GLIS3: variants seen among roughly 807,000 people sequenced by gnomAD.
GLIS3 encodes the protein zinc finger protein GLIS3.
In GLIS3, 53 loss-of-function variants were observed where a neutral mutation model predicts 78.6. The observed-to-expected ratio is 0.67, with a 90% confidence interval of 0.54 to 0.85. The LOEUF (loss-of-function observed/expected upper bound fraction) is 0.85. GLIS3 is among the 40% of genes least tolerant of loss of function. The pLI is 0.00. For missense variants in GLIS3, 1,703 were observed against 1,231.1 expected, an observed-to-expected ratio of 1.38 and a Z score of -5.74; for synonymous variants, 684 against 509.9, an observed-to-expected ratio of 1.34 and a Z score of -4.60.
intron 4 of GLIS3, among the ~76,000 whole-genome samples, chr9:3,986,146 A>T (rs554526550): frequency 6.6e-6 from 1 of 152,346 alleles, no homozygotes; most frequent in East Asian, 1.9e-4. Flanking sequence ...GGGTTTGGTG[A>T]ACAGTGGTGT....
chr9:4,156,421 C>T (rs1481654540), intron 2 of GLIS3, among the ~76,000 whole-genome samples: 2 of 152,184 alleles, frequency 1.3e-5, no homozygotes, highest in African/African-American at 4.8e-5. Flanking sequence ...TCCTCCTTAT[C>T]CACCCAATAC....
intron 2 of GLIS3, among the ~76,000 whole-genome samples, chr9:4,321,474 A>G (rs1185466375): frequency 2.1e-5 from 3 of 141,122 alleles, no homozygotes; most frequent in Admixed American, 7.5e-5. Flanking sequence ...TCAGGTGCCT[A>G]GAACTGGATT....
At chr9:4,277,164 C>G (rs1035969504) in intron 2 of GLIS3, among the ~76,000 whole-genome samples, 8 of 152,350 alleles carry the variant, frequency 5.3e-5, no homozygotes, top group African/African-American at 1.9e-4. Context: ...GGTACACACA[C>G]TGGTGTTAGC....
At chr9:4,370,657 A>G in the GLIS3 span, among the ~76,000 whole-genome samples, 1 of 151,750 alleles carries the variant, frequency 6.6e-6, no homozygotes, top group Non-Finnish European at 1.5e-5. Context: ...TATATTTAAT[A>G]TGTATTTAAT....
At chr9:4,030,994 T>C (rs1224139231) in intron 4 of GLIS3, among the ~76,000 whole-genome samples, 2 of 151,882 alleles carry the variant, frequency 1.3e-5, no homozygotes, top group African/African-American at 4.8e-5. Context: ...AAATGGAAAA[T>C]AACAAGTGTT....
chr9:3,871,982 C>T (rs1333623936), intron 8 of GLIS3, among the ~76,000 whole-genome samples: 1 of 152,236 alleles, frequency 6.6e-6, no homozygotes, highest in African/African-American at 2.4e-5. Flanking sequence ...GCACCCAAGT[C>T]ACTTCCTGAA....
At chr9:3,912,716 G>C (rs1300842787) in intron 6 of GLIS3, among the ~76,000 whole-genome samples, 1 of 152,152 alleles carries the variant, frequency 6.6e-6, no homozygotes, top group Non-Finnish European at 1.5e-5. Context: ...GTGAATTCAA[G>C]CTTCATTCAG....
the GLIS3 span, among the ~76,000 whole-genome samples, chr9:4,475,331 C>G: frequency 6.6e-6 from 1 of 152,156 alleles, no homozygotes. Context: ...TATCCAAATG[C>G]CCATTAAATA....
the GLIS3 span, among the ~76,000 whole-genome samples, chr9:4,484,721 C>G: frequency 6.6e-6 from 1 of 151,832 alleles, no homozygotes; most frequent in Admixed American, 6.6e-5. Context: ...CCAGTGTAGG[C>G]CAAACTAACT....
At chr9:4,270,871 T>C (rs1417585760) in intron 2 of GLIS3, among the ~76,000 whole-genome samples, 4 of 150,990 alleles carry the variant, frequency 2.6e-5, no homozygotes, top group African/African-American at 9.7e-5. Context: ...TAAATCAATC[T>C]CTCTCTCAAT....
chr9:4,038,248 C>T (rs1824499019), intron 4 of GLIS3, among the ~76,000 whole-genome samples: 2 of 151,848 alleles, frequency 1.3e-5, no homozygotes, highest in Non-Finnish European at 2.9e-5. Context: ...AAAATATTAT[C>T]CCATGATTAA....
intron 2 of GLIS3, among the ~76,000 whole-genome samples, chr9:4,331,192 T>C (rs1246110826): frequency 2.0e-5 from 3 of 152,170 alleles, no homozygotes; most frequent in Admixed American, 6.5e-5. Flanking sequence ...GATGAATCCT[T>C]TGTTCTTCCA....
intron 4 of GLIS3, among the ~76,000 whole-genome samples, chr9:4,061,909 T>C (rs994927342): frequency 6.6e-6 from 1 of 152,204 alleles, no homozygotes; most frequent in Admixed American, 6.5e-5. Flanking sequence ...CTGAGACAGC[T>C]TCCTCTGCCT....
chr9:4,368,646 C>T, the GLIS3 span, among the ~76,000 whole-genome samples: 6 of 152,204 alleles, frequency 3.9e-5, no homozygotes, highest in East Asian at 5.8e-4. Flanking sequence ...CCACTGCGCC[C>T]GGCCTGCACA....
chr9:4,394,757 A>C, the GLIS3 span, among the ~76,000 whole-genome samples: 3 of 152,232 alleles, frequency 2.0e-5, no homozygotes, highest in East Asian at 5.8e-4. Context: ...TTATGCAAGC[A>C]CATTTTCCAT....
At chr9:4,043,277 C>G (rs1051946061) in intron 4 of GLIS3, among the ~76,000 whole-genome samples, 1 of 151,362 alleles carries the variant, frequency 6.6e-6, no homozygotes, top group African/African-American at 2.4e-5. Flanking sequence ...ATTTTTTTTT[C>G]AAGTATGAAG....
chr9:4,447,318 A>T, the GLIS3 span, among the ~76,000 whole-genome samples: 8 of 151,946 alleles, frequency 5.3e-5, no homozygotes, highest in Non-Finnish European at 1.0e-4. Flanking sequence ...AAGTGCTAGG[A>T]TTGATCCATT....
chr9:4,186,593 G>T (rs912640170), intron 2 of GLIS3, among the ~76,000 whole-genome samples: 4 of 151,522 alleles, frequency 2.6e-5, no homozygotes, highest in Non-Finnish European at 5.9e-5. Flanking sequence ...CACAATGGTT[G>T]AACTAGTTTA....
At chr9:4,488,970 G>C in the GLIS3 span, among the ~76,000 whole-genome samples, 68 of 151,842 alleles carry the variant, frequency 4.5e-4, no homozygotes, top group Non-Finnish European at 7.8e-4. Context: ...AGGTTCAAGC[G>C]ATTCTCCTCC....
Sources: gnomAD v4.1 joint callset for allele counts (sites outside exome capture counted in the v4.1 genomes callset) on GRCh38, gnomAD v4.1.1 for gene constraint, MANE v1.5 for transcripts, NCBI Gene and HGNC (gene_info 2026-07-23, HGNC 2026-07-21) for gene names.